RBFOX1: variants seen among roughly 807,000 people sequenced by gnomAD.
RBFOX1 encodes RNA binding protein fox-1 homolog 1.
In RBFOX1, 8 loss-of-function variants were observed where a neutral mutation model predicts 57.7. The observed-to-expected ratio is 0.14, with a 90% CI of 0.08 to 0.25. The LOEUF is 0.25. Ranked by LOEUF, RBFOX1 falls within the 10% of genes least tolerant of loss-of-function variation. RBFOX1 has a pLI of 1.00. For synonymous variants in RBFOX1, 326 were observed against 222.4 expected (o/e 1.47, Z -4.15); for missense variants, 611 against 548.5 (o/e 1.11, Z -1.14).
chr16:7,041,943 C>A (rs952006519), intron 3 of RBFOX1, among the ~76,000 whole-genome samples: 16 of 152,116 alleles, frequency 1.1e-4, no homozygotes, highest in African/African-American at 3.9e-4. Flanking sequence ...GGGGAAATTG[C>A]CTGCAGAGAT....
At chr16:6,940,656 G>A (rs936728393) in intron 3 of RBFOX1, among the ~76,000 whole-genome samples, 1 of 152,050 alleles carries the variant, frequency 6.6e-6, no homozygotes, top group African/African-American at 2.4e-5. Flanking sequence ...GGAGTGGAGC[G>A]ACGCGATCTC....
chr16:7,678,978 A>G (rs184233091), intron 14 of RBFOX1, among the ~76,000 whole-genome samples: 1 of 152,312 alleles, frequency 6.6e-6, no homozygotes, highest in African/African-American at 2.4e-5. Context: ...CTTGTTGTTC[A>G]TTAGAGAAAT....
chr16:7,055,480 T>A (rs1014015813), intron 4 of RBFOX1, among the ~76,000 whole-genome samples: 3 of 152,208 alleles, frequency 2.0e-5, no homozygotes, highest in East Asian at 1.9e-4. Flanking sequence ...TCTTCCAAGA[T>A]GTCTGCCATC....
intron 1 of RBFOX1, among the ~76,000 whole-genome samples, chr16:5,264,971 AC>A (rs1367835797): frequency 6.6e-6 from 1 of 151,826 alleles, no homozygotes; most frequent in Non-Finnish European, 1.5e-5. Flanking sequence ...GCAAAACCTA[AC>A]CTATTCTGAC....
intron 1 of RBFOX1, among the ~76,000 whole-genome samples, chr16:5,314,834 A>G (rs1033803866): frequency 1.3e-5 from 2 of 151,840 alleles, no homozygotes; most frequent in African/African-American, 2.4e-5. Context: ...TATTGGAAAA[A>G]AAAAAAAAAA....
At chr16:7,010,389 G>A (rs576209957) in intron 3 of RBFOX1, among the ~76,000 whole-genome samples, 2 of 152,256 alleles carry the variant, frequency 1.3e-5, no homozygotes, top group Admixed American at 6.5e-5. Flanking sequence ...ACACACACTG[G>A]TGAGATCTTG....
At chr16:6,991,487 G>A (rs1043949155) in intron 3 of RBFOX1, among the ~76,000 whole-genome samples, 10 of 152,142 alleles carry the variant, frequency 6.6e-5, no homozygotes, top group African/African-American at 2.4e-4. Flanking sequence ...TTTGAAAAAT[G>A]AATTCCCATG....
intron 2 of RBFOX1, among the ~76,000 whole-genome samples, chr16:6,430,196 G>T (rs1597129974): frequency 6.6e-6 from 1 of 152,024 alleles, no homozygotes; most frequent in Admixed American, 6.6e-5. Context: ...TTTATTAGCG[G>T]CATGAGAACA....
At chr16:5,354,978 G>A (rs1228981511) in intron 1 of RBFOX1, among the ~76,000 whole-genome samples, 1 of 149,410 alleles carries the variant, frequency 6.7e-6, no homozygotes, top group East Asian at 2.1e-4. Flanking sequence ...AGCAGAGGTT[G>A]GAAGGGGTGA....
intron 3 of RBFOX1, among the ~76,000 whole-genome samples, chr16:5,685,411 G>C (rs2050475368): frequency 6.6e-6 from 1 of 152,120 alleles, no homozygotes. Context: ...ATTGCCTAAG[G>C]TTTTGCCTTA....
intron 4 of RBFOX1, among the ~76,000 whole-genome samples, chr16:7,078,975 C>G (rs938766106): frequency 7.1e-6 from 1 of 140,504 alleles, no homozygotes; most frequent in Non-Finnish European, 1.5e-5. Flanking sequence ...CCCAACAAGA[C>G]CCTATTTTCA....
At position 6,739,843 on chromosome 16, in the gene RBFOX1, C is replaced by T. The variant is rs200830602; in HGVS notation, c.-16+85193C>T. Among the ~76,000 whole-genome samples, 27 of 152,238 alleles carry T rather than the reference C, an allele frequency of 1.8e-4. 1 individual carries two copies. In the East Asian group the frequency reaches 4.6e-3, roughly 26 times the overall value. ...AGTGAGCCAAGATTGCACCACTTCACTCCAGCCTGGGTGACAGAGCAAGAC... is the reference window on the plus strand; with the variant it reads ...AGTGAGCCAAGATTGCACCACTTCATTCCAGCCTGGGTGACAGAGCAAGAC... On this transcript the variant is annotated intron_variant, in intron 3 of 15. Transcript: ENST00000550418.
intron 3 of RBFOX1, among the ~76,000 whole-genome samples, chr16:7,017,618 C>T (rs1309423593): frequency 2.6e-5 from 4 of 152,100 alleles, no homozygotes; most frequent in Non-Finnish European, 5.9e-5. Flanking sequence ...TACATTGTGG[C>T]CTCAGGTTGA....
intron 3 of RBFOX1, among the ~76,000 whole-genome samples, chr16:6,732,482 T>C (rs2068901164): frequency 6.6e-6 from 1 of 152,190 alleles, no homozygotes; most frequent in Admixed American, 6.5e-5. Flanking sequence ...TCATTGAGTA[T>C]CTCTTCCAGG....
chr16:6,826,297 G>C (rs1258702699), intron 3 of RBFOX1, among the ~76,000 whole-genome samples: 1 of 152,110 alleles, frequency 6.6e-6, no homozygotes, highest in African/African-American at 2.4e-5. Context: ...AAAATCGTTT[G>C]AGTCCAGGAG....
At chr16:5,592,575 C>G (rs933523357) in intron 2 of RBFOX1, among the ~76,000 whole-genome samples, 31 of 152,080 alleles carry the variant, frequency 2.0e-4, no homozygotes, top group Admixed American at 2.0e-3. Context: ...CACCACCATG[C>G]CTGGCTAATT....
intron 4 of RBFOX1, among the ~76,000 whole-genome samples, chr16:7,448,036 T>C (rs933595848): frequency 1.3e-5 from 2 of 152,220 alleles, no homozygotes; most frequent in African/African-American, 4.8e-5. Context: ...TTCTGAAGCA[T>C]GTGAAAGTTG....
At chr16:5,406,544 C>A (rs773047736) in intron 1 of RBFOX1, among the ~76,000 whole-genome samples, 2 of 151,994 alleles carry the variant, frequency 1.3e-5, no homozygotes, top group Non-Finnish European at 2.9e-5. Flanking sequence ...TATAATAAAT[C>A]TCTCCCTCTC....
chr16:7,128,067 C>T lies in RBFOX1; in HGVS notation c.27+75969C>T, dbSNP rs553009305. On this transcript the variant is annotated intron_variant, in intron 4 of 15. Coordinates refer to ENST00000550418, the MANE Select transcript of RBFOX1 (RefSeq NM_018723.4). The stretch of plus-strand genomic sequence containing the variant: ...GACATCGTCCTCTGGCAAATTCTTC[C>T]TTAATGGGGGCTCAAGTGATGCAGC... 3.9e-5 allele frequency among the ~76,000 whole-genome samples: 6 copies of T among 152,276 alleles called. No homozygotes were observed. The South Asian group carries it at 1.0e-3, about 26-fold the overall frequency.
Sources: allele counts gnomAD v4.1 joint callset (sites outside exome capture counted in the v4.1 genomes callset), GRCh38; gene constraint gnomAD v4.1.1; transcripts MANE v1.5; gene names NCBI Gene and HGNC (gene_info 2026-07-23, HGNC 2026-07-21).